SH3RF1: variants seen among roughly 807,000 people sequenced by gnomAD.
SH3RF1 encodes SH3 domain containing ring finger 1, also known as E3 ubiquitin-protein ligase SH3RF1.
A neutral mutation model predicts 74.0 loss-of-function variants in SH3RF1; 32 were observed. That is an observed-to-expected ratio of 0.43 (90% CI 0.33 to 0.58). The LOEUF (loss-of-function observed/expected upper bound fraction) is 0.58, where lower values mean the gene tolerates loss of function less well. SH3RF1 is among the 20% of genes least tolerant of loss of function. The pLI is 0.05. For missense variants in SH3RF1, 954 were observed against 1,130.9 expected (o/e 0.84, Z 2.24); for synonymous variants, 396 against 439.6 (o/e 0.90, Z 1.24).
chr4:169,170,969 A>C (rs1734318817), intron 2 of SH3RF1, among the ~76,000 whole-genome samples: 1 of 152,244 alleles, frequency 6.6e-6, no homozygotes, highest in Non-Finnish European at 1.5e-5. Flanking sequence ...AATTGAAGGA[A>C]ATTTTCCTGA....
rs80090260 is a variant in SH3RF1 at position 169,234,766 on chromosome 4, G to A, written c.393+34054C>T. 3.8e-3 allele frequency among the ~76,000 whole-genome samples: 572 copies of A among 152,166 alleles called. 4 individuals carry two copies. The highest frequency in any genetic ancestry group is 0.013 in the African/African-American group (548 of 41,512). On this transcript the variant is annotated intron_variant, in intron 2 of 11. Coordinates refer to ENST00000284637, the MANE Select transcript of SH3RF1 (RefSeq NM_020870.4). ...ATCTTTTCTACTAAAAACAATTCAC[G>A]GTAAATTGATTTCTATTTCTAAGTC...
intron 2 of SH3RF1, among the ~76,000 whole-genome samples, chr4:169,193,637 T>C (rs1039389475): frequency 9.2e-5 from 14 of 152,176 alleles, no homozygotes; most frequent in African/African-American, 3.1e-4. Context: ...GAGTAATTAT[T>C]ACAGTGCAGG....
At chr4:169,159,964 C>A (rs1734125208) in intron 2 of SH3RF1, among the ~76,000 whole-genome samples, 1 of 152,168 alleles carries the variant, frequency 6.6e-6, no homozygotes, top group Non-Finnish European at 1.5e-5. Context: ...CTGACATGTA[C>A]CGTTTAATAG....
At chr4:169,210,647 G>T (rs2706754) in intron 2 of SH3RF1, among the ~76,000 whole-genome samples, 71,403 of 152,082 alleles carry the variant, frequency 0.47, 18,038 homozygotes, top group East Asian at 0.78. Flanking sequence ...GCCTAAAAGT[G>T]TCTCCATGCA....
intron 2 of SH3RF1, among the ~76,000 whole-genome samples, chr4:169,249,765 T>C (rs1261186084): frequency 1.3e-5 from 2 of 152,212 alleles, no homozygotes; most frequent in Admixed American, 1.3e-4. Context: ...CAGATTAAAG[T>C]ACAGTAACTG....
At chr4:169,206,515 A>T (rs1730266789) in intron 2 of SH3RF1, among the ~76,000 whole-genome samples, 2 of 152,348 alleles carry the variant, frequency 1.3e-5, no homozygotes, top group South Asian at 2.1e-4. Context: ...TCCATAAAAA[A>T]TTTTTAAAAA....
At chr4:169,240,786 C>A (rs892023130) in intron 2 of SH3RF1, among the ~76,000 whole-genome samples, 1 of 152,166 alleles carries the variant, frequency 6.6e-6, no homozygotes, top group African/African-American at 2.4e-5. Flanking sequence ...CCATGCTGCA[C>A]TTGCCTGTTT....
chr4:169,156,922 T>C (rs1281665703), intron 2 of SH3RF1, among the ~76,000 whole-genome samples: 3 of 152,222 alleles, frequency 2.0e-5, no homozygotes, highest in African/African-American at 7.2e-5. Context: ...GCTTCTATTC[T>C]TAAGTTTAAC....
At chr4:169,249,264 C>T (rs1234299985) in intron 2 of SH3RF1, among the ~76,000 whole-genome samples, 1 of 152,126 alleles carries the variant, frequency 6.6e-6, no homozygotes, top group Non-Finnish European at 1.5e-5. Flanking sequence ...GGCAATTAGG[C>T]CATGAGGGCT....
chr4:169,254,110 A>T (rs79412624), intron 2 of SH3RF1, among the ~76,000 whole-genome samples: 5,248 of 152,302 alleles, frequency 0.034, 304 homozygotes, highest in African/African-American at 0.12. Flanking sequence ...ATGAATGTGA[A>T]TAAGCTTACC....
At chr4:169,240,989 G>C (rs1450976596) in intron 2 of SH3RF1, among the ~76,000 whole-genome samples, 2 of 152,170 alleles carry the variant, frequency 1.3e-5, no homozygotes, top group Non-Finnish European at 2.9e-5. Context: ...CCAGCACTTT[G>C]GGAGGCTGAG....
Position 169,122,110 on chromosome 4 carries a change from G to A in SH3RF1, c.1336C>T (p.Arg446Cys), listed in dbSNP as rs200110734. 46 of 1,612,370 alleles carry A rather than the reference G, an allele frequency of 2.9e-5. No individual in the cohort carries two copies. Among genetic ancestry groups the A allele is most frequent in the African/African-American group, 1.6e-4 (12 of 74,888 alleles). ...DQIAHLRPQT[R>C]PSVYVAIYPY... The stretch of plus-strand genomic sequence containing the variant: ...GACACGCTCACTTACACACTGGGGC[G>A]AGTCTGCGGCCGTAAATGTGCAATC... The change falls in exon 7 of 12, where the codon CGC becomes TGC. Residue 446 changes from arginine (R) to cysteine (C), a missense_variant. Arg to Cys is a radical substitution (Grantham distance 180). Around this residue, in one of 3 missense-constraint regions of SH3RF1, gnomAD observed 854 missense variants for 962.5 expected, o/e 0.89. Coordinates refer to ENST00000284637, the MANE Select transcript of SH3RF1 (RefSeq NM_020870.4).
At chr4:169,190,225 A>G (rs2126984013) in intron 2 of SH3RF1, among the ~76,000 whole-genome samples, 1 of 152,330 alleles carries the variant, frequency 6.6e-6, no homozygotes, top group East Asian at 1.9e-4. Flanking sequence ...CCAAGATCAG[A>G]GCAGAAGCAA....
intron 2 of SH3RF1, among the ~76,000 whole-genome samples, chr4:169,267,113 G>A (rs1507171): frequency 0.87 from 132,462 of 152,246 alleles, 57,878 homozygotes; most frequent in East Asian, 0.97. Flanking sequence ...TGGGAGCTTA[G>A]CAGTTCAGAT....
At chr4:169,099,517 C>CA (rs1732982520) in intron 11 of SH3RF1, among the ~76,000 whole-genome samples, 1 of 152,112 alleles carries the variant, frequency 6.6e-6, no homozygotes, top group South Asian at 2.1e-4. Context: ...ATGTAGTTGC[C>CA]ATGTGGGGCA....
intron 2 of SH3RF1, among the ~76,000 whole-genome samples, chr4:169,156,901 C>A (rs1369038064): frequency 6.6e-6 from 1 of 152,148 alleles, no homozygotes; most frequent in Non-Finnish European, 1.5e-5. Context: ...CATGCACCAG[C>A]CATGATTTAG....
intron 2 of SH3RF1, among the ~76,000 whole-genome samples, chr4:169,230,324 A>G (rs1730715821): frequency 6.6e-6 from 1 of 152,240 alleles, no homozygotes; most frequent in Non-Finnish European, 1.5e-5. Context: ...TGACCCTCAA[A>G]TAGAGCCGTG....
intron 2 of SH3RF1, among the ~76,000 whole-genome samples, chr4:169,250,770 C>T (rs1731090525): frequency 6.6e-6 from 1 of 151,988 alleles, no homozygotes; most frequent in Non-Finnish European, 1.5e-5. Flanking sequence ...AAAAACAAAG[C>T]AGTGCAAGGC....
intron 11 of SH3RF1, among the ~76,000 whole-genome samples, chr4:169,097,780 A>G (rs1248557694): frequency 2.0e-5 from 3 of 152,156 alleles, no homozygotes; most frequent in African/African-American, 7.2e-5. Context: ...GGCCAATAAA[A>G]TGTTGCAGAA....
Sources: gnomAD v4.1 joint callset for allele counts (sites outside exome capture counted in the v4.1 genomes callset) on GRCh38, gnomAD v4.1.1 for gene constraint, gnomAD v4.1.1 regional missense constraint, MANE v1.5 for transcripts, NCBI Gene and HGNC (gene_info 2026-07-23, HGNC 2026-07-21) for gene names.